ZNF292: variants seen among roughly 807,000 people sequenced by gnomAD.
The protein encoded by ZNF292 is zinc finger protein 292.
Under a neutral mutation model 217.9 loss-of-function variants are expected in ZNF292, and 26 were observed. The observed-to-expected ratio is 0.12, with a 90% CI of 0.09 to 0.17. The LOEUF (loss-of-function observed/expected upper bound fraction) is 0.17. Ranked by LOEUF, ZNF292 falls within the 10% of genes least tolerant of loss-of-function variation. The probability of loss-of-function intolerance (pLI) is 1.00; values close to 1 mark genes in which losing one functional copy is unlikely to be tolerated. For missense variants in ZNF292, 2,904 were observed against 3,175.2 expected (o/e 0.91, Z 2.05); for synonymous variants, 1,257 against 1,124.1 (o/e 1.12, Z -2.37).
At chr6:87,234,725 A>G (rs1205294799) in intron 5 of ZNF292, among the ~76,000 whole-genome samples, 1 of 152,186 alleles carries the variant, frequency 6.6e-6, no homozygotes, top group South Asian at 2.1e-4. Context: ...AGGATATGTT[A>G]AGGGAAAAAT....
At chr6:87,195,435 C>T (rs983345522) in intron 1 of ZNF292, among the ~76,000 whole-genome samples, 1 of 152,112 alleles carries the variant, frequency 6.6e-6, no homozygotes, top group African/African-American at 2.4e-5. Flanking sequence ...AAAAATGGAC[C>T]GTCCTATCAC....
chr6:87,194,774 A>G (rs1357869892), intron 1 of ZNF292, among the ~76,000 whole-genome samples: 18 of 152,212 alleles, frequency 1.2e-4, no homozygotes, highest in Non-Finnish European at 1.5e-5. Context: ...CACATGTGAC[A>G]GAATATATAT....
intron 1 of ZNF292, among the ~76,000 whole-genome samples, chr6:87,179,091 T>C (rs1771387994): frequency 6.6e-6 from 1 of 151,898 alleles, no homozygotes; most frequent in African/African-American, 2.4e-5. Context: ...AATCTTTAAA[T>C]ATTAATATAA....
At position 87,261,523 on chromosome 6, in the gene ZNF292, G is replaced by T. The variant is rs773912281; in HGVS notation, c.7894G>T (p.Asp2632Tyr). ...GSHSNSRKNI[D>Y]KTAVTSGNHV... ...CCATTCAAATTCAAGAAAAAATATT[G>T]ATAAGACTGCTGTGACTAGTGGAAA... Residue 2632 changes from aspartate to tyrosine, a missense_variant, in exon 8 of 8, where the codon GAT becomes TAT. Asp to Tyr is a radical substitution (Grantham distance 160). This residue lies in a region of ZNF292 where 380 missense variants were observed against 355.3 expected (regional missense o/e 1.07). Coordinates refer to ENST00000369577, the MANE Select transcript of ZNF292 (RefSeq NM_015021.3). The T allele has an allele frequency of 1.2e-6, 2 of 1,607,842 alleles. No individual in the cohort carries two copies. Among genetic ancestry groups the T allele is most frequent in the Admixed American group, 3.4e-5 (2 of 59,016 alleles).
In ZNF292 at chr6:87,245,634, T is replaced by C; in HGVS notation, c.1010T>C (p.Ile337Thr). ...CACATTTTCTTCCTGATTAAAGTTATTAATTCAGAGGTAAGAATAATCAGA... is the reference window on the plus strand; with the variant it reads ...CACATTTTCTTCCTGATTAAAGTTACTAATTCAGAGGTAAGAATAATCAGA... ...VYHIFFLIKV[I>T]NSETEGAGLA... The change falls in exon 7 of 8, where the codon ATT becomes ACT. Residue 337 changes from isoleucine to threonine, a missense_variant. Around this residue, in one of 15 missense-constraint regions of ZNF292, gnomAD observed 313 missense variants for 451.0 expected, o/e 0.69. Transcript: ENST00000369577. 1.3e-6 allele frequency: 2 copies of C among 1,496,524 alleles called. No homozygotes were observed. Among genetic ancestry groups the C allele is most frequent in the Non-Finnish European group, 9.1e-7 (1 of 1,099,810 alleles). 92.7% of individuals were successfully genotyped at this position (1,496,524 alleles called of 1,614,324 possible).
intron 5 of ZNF292, among the ~76,000 whole-genome samples, chr6:87,237,216 A>G (rs1434635637): frequency 1.3e-5 from 2 of 152,164 alleles, no homozygotes; most frequent in African/African-American, 2.4e-5. Flanking sequence ...TATTATTTTG[A>G]TAAGCAAATC....
intron 1 of ZNF292, among the ~76,000 whole-genome samples, chr6:87,199,952 G>A (rs1233483189): frequency 6.6e-6 from 1 of 152,106 alleles, no homozygotes; most frequent in African/African-American, 2.4e-5. Flanking sequence ...GTGCCAACTG[G>A]CCCATGATAG....
At chr6:87,167,336 T>C (rs752203074) in intron 1 of ZNF292, among the ~76,000 whole-genome samples, 2 of 152,212 alleles carry the variant, frequency 1.3e-5, no homozygotes, top group Admixed American at 6.5e-5. Context: ...AAAGTACAGC[T>C]GACTCTTGAA....
chr6:87,182,788 C>T (rs1026450451), intron 1 of ZNF292, among the ~76,000 whole-genome samples: 2 of 152,124 alleles, frequency 1.3e-5, no homozygotes, highest in African/African-American at 2.4e-5. Flanking sequence ...AAGTAATGAA[C>T]CTGCATTTTG....
chr6:87,196,615 A>G (rs769631289), intron 1 of ZNF292, among the ~76,000 whole-genome samples: 36 of 152,230 alleles, frequency 2.4e-4, no homozygotes, highest in Non-Finnish European at 4.7e-4. Context: ...TTCAGAAGCT[A>G]TGCACTTACT....
At chr6:87,176,882 G>C (rs373307823) in intron 1 of ZNF292, among the ~76,000 whole-genome samples, 2 of 152,166 alleles carry the variant, frequency 1.3e-5, no homozygotes, top group African/African-American at 2.4e-5. Context: ...ACTCTTCCTC[G>C]TGGATGTTTA....
At position 87,254,674 on chromosome 6, in the gene ZNF292, T is replaced by C; in HGVS notation, c.1045T>C (p.Cys349Arg). The C allele has an allele frequency of 6.2e-7, 1 of 1,600,554 alleles. No individual in the cohort carries two copies. The highest frequency in any genetic ancestry group is 8.5e-7 in the Non-Finnish European group (1 of 1,171,826). The stretch of plus-strand genomic sequence containing the variant: ...GACTGAAGGGGCTGGACTTGCTACC[T>C]GTATAGAACTGTGTGTAAAGGCTCT... ...SETEGAGLAT[C>R]IELCVKALRL... The change falls in exon 8 of 8, where the codon TGT becomes CGT. Residue 349 changes from cysteine to arginine, a missense_variant. This residue lies in a region of ZNF292 where 313 missense variants were observed against 451.0 expected (regional missense o/e 0.69). Coordinates refer to ENST00000369577, the MANE Select transcript of ZNF292 (RefSeq NM_015021.3).
chr6:87,161,072 T>C (rs1283811567), intron 1 of ZNF292, among the ~76,000 whole-genome samples: 1 of 152,172 alleles, frequency 6.6e-6, no homozygotes, highest in Non-Finnish European at 1.5e-5. Flanking sequence ...TCAACAATAT[T>C]TAAGTATAAT....
At chr6:87,244,371 A>G (rs1243383893) in intron 6 of ZNF292, among the ~76,000 whole-genome samples, 1 of 152,236 alleles carries the variant, frequency 6.6e-6, no homozygotes, top group African/African-American at 2.4e-5. Flanking sequence ...AATAAGAAGT[A>G]TTTATCCAGG....
At chr6:87,160,766 C>T (rs1169422140) in intron 1 of ZNF292, among the ~76,000 whole-genome samples, 1 of 152,000 alleles carries the variant, frequency 6.6e-6, no homozygotes, top group African/African-American at 2.4e-5. Flanking sequence ...CTCCAGTTCT[C>T]TCTTTGATGG....
At chr6:87,226,581 C>G (rs1416356706) in intron 4 of ZNF292, among the ~76,000 whole-genome samples, 2 of 148,860 alleles carry the variant, frequency 1.3e-5, no homozygotes, top group Non-Finnish European at 3.0e-5. Context: ...TAAACGCACT[C>G]TTTGGTTTCT....
intron 3 of ZNF292, 146 bp from the exon 4 acceptor site, chr6:87,218,450 A>G (rs1180060945): frequency 2.1e-6 from 1 of 474,940 alleles, no homozygotes; most frequent in African/African-American, 2.0e-5. Flanking sequence ...ATCTTTAAAT[A>G]TTAGAAGGAA....
chr6:87,171,480 CATA>C (rs1203072442), intron 1 of ZNF292, among the ~76,000 whole-genome samples: 14 of 151,818 alleles, frequency 9.2e-5, no homozygotes, highest in Admixed American at 6.6e-4. Flanking sequence ...GTGATTAAGG[CATA>C]ATGTTTGCTG....
intron 4 of ZNF292, chr6:87,223,405 A>G (rs924900113): frequency 6.6e-6 from 1 of 152,190 alleles, no homozygotes; most frequent in Non-Finnish European, 1.5e-5. Flanking sequence ...TGTTGATGTG[A>G]ACCTAGACCA....
Sources: gnomAD v4.1 joint callset for allele counts (sites outside exome capture counted in the v4.1 genomes callset) on GRCh38, gnomAD v4.1.1 for gene constraint, gnomAD v4.1.1 regional missense constraint, MANE v1.5 for transcripts, NCBI Gene and HGNC (gene_info 2026-07-23, HGNC 2026-07-21) for gene names.